AUTS2: variants seen among roughly 807,000 people sequenced by gnomAD.
AUTS2 encodes autism susceptibility gene 2 protein.
In AUTS2, 17 loss-of-function variants were observed where a neutral mutation model predicts 112.4. That is an observed-to-expected ratio of 0.15 (90% CI 0.10 to 0.23). The LOEUF is 0.23. Among genes scored for constraint, AUTS2 ranks in the 10% least tolerant of loss-of-function variants. The pLI is 1.00. For synonymous variants in AUTS2, 751 were observed against 702.7 expected, an observed-to-expected ratio of 1.07 and a Z score of -1.09; for missense variants, 1,510 against 1,701.6, an observed-to-expected ratio of 0.89 and a Z score of 1.98.
In AUTS2 at chr7:70,065,629, G is replaced by A. The variant is rs535937856; in HGVS notation, c.523-52503G>A. ...GGAGAATTGCTTGAACCCGAGAGGC[G>A]GAGGTTATGGTGAGCCGAGATGGTG... On this transcript the variant is annotated intron_variant, in intron 2 of 18. Coordinates refer to ENST00000342771, the MANE Select transcript of AUTS2 (RefSeq NM_015570.4). Among the ~76,000 whole-genome samples the A allele has an allele frequency of 7.5e-4, 114 of 152,196 alleles. 1 individual carries two copies. The highest frequency in any genetic ancestry group is 1.8e-3 in the African/African-American group (75 of 41,516).
intron 1 of AUTS2, among the ~76,000 whole-genome samples, chr7:69,793,455 C>G (rs1276009708): frequency 6.6e-6 from 1 of 152,148 alleles, no homozygotes; most frequent in Non-Finnish European, 1.5e-5. Context: ...TGTAGACAGT[C>G]CTGACACAGA....
At chr7:70,720,382 C>T (rs1179394020) in intron 6 of AUTS2, among the ~76,000 whole-genome samples, 3 of 152,094 alleles carry the variant, frequency 2.0e-5, no homozygotes, top group African/African-American at 4.8e-5. Context: ...AAATCGCAGG[C>T]GTCAATCTGT....
At chr7:69,885,555 A>G (rs1220126537) in intron 1 of AUTS2, among the ~76,000 whole-genome samples, 11 of 152,212 alleles carry the variant, frequency 7.2e-5, no homozygotes, top group Non-Finnish European at 1.0e-4. Context: ...TTTCCTTCCA[A>G]CAAAAGACCC....
chr7:70,078,170 A>G (rs1803127867), intron 2 of AUTS2, among the ~76,000 whole-genome samples: 1 of 152,028 alleles, frequency 6.6e-6, no homozygotes, highest in Non-Finnish European at 1.5e-5. Flanking sequence ...GGTATGTTCC[A>G]AGACACCCAG....
At chr7:70,779,279 C>G (rs1790907046) in intron 14 of AUTS2, among the ~76,000 whole-genome samples, 1 of 152,192 alleles carries the variant, frequency 6.6e-6, no homozygotes, top group Admixed American at 6.5e-5. Context: ...ATTACATCTT[C>G]CCTCTCTCTG....
rs566764530 is a variant in AUTS2, at chr7:70,121,746, G to A, written c.624+3513G>A. Among the ~76,000 whole-genome samples, 6 of 152,196 alleles carry A rather than the reference G, an allele frequency of 3.9e-5. No homozygotes were observed. In the South Asian group the frequency reaches 6.2e-4, roughly 16 times the overall value. On this transcript the variant is annotated intron_variant, in intron 3 of 18. Transcript: ENST00000342771. ...ATTACTGGTGGGAATGTAAAATGAC[G>A]CAGCCACTGTAGAAAACAGCTTGGC... is the stretch of plus-strand genomic sequence containing the variant.
chr7:69,821,830 C>T (rs895909649), intron 1 of AUTS2, among the ~76,000 whole-genome samples: 5 of 147,680 alleles, frequency 3.4e-5, no homozygotes, highest in African/African-American at 1.0e-4. Context: ...GTGAGAGGAT[C>T]GATTGAGCTC....
intron 1 of AUTS2, among the ~76,000 whole-genome samples, chr7:69,646,803 T>G (rs1030156935): frequency 3.3e-5 from 5 of 152,170 alleles, no homozygotes; most frequent in African/African-American, 1.2e-4. Flanking sequence ...CATAGTGACC[T>G]TGACCGGGTG....
intron 5 of AUTS2, among the ~76,000 whole-genome samples, chr7:70,454,893 G>A (rs906637086): frequency 6.6e-6 from 1 of 152,182 alleles, no homozygotes; most frequent in Non-Finnish European, 1.5e-5. Flanking sequence ...TGCAGGCCTC[G>A]GGAGTGCTTT....
At chr7:70,326,837 G>A (rs1001759336) in intron 4 of AUTS2, among the ~76,000 whole-genome samples, 8 of 151,610 alleles carry the variant, frequency 5.3e-5, no homozygotes, top group Admixed American at 2.0e-4. Context: ...GCTTTTAAAC[G>A]ATCTCAGTAT....
At chr7:69,766,114 C>G (rs1788410360) in intron 1 of AUTS2, among the ~76,000 whole-genome samples, 1 of 152,168 alleles carries the variant, frequency 6.6e-6, no homozygotes, top group Non-Finnish European at 1.5e-5. Flanking sequence ...ATTCTCTGTT[C>G]TTCTTAGCTT....
intron 2 of AUTS2, among the ~76,000 whole-genome samples, chr7:69,996,713 T>C (rs1388290726): frequency 6.6e-6 from 1 of 152,130 alleles, no homozygotes; most frequent in Non-Finnish European, 1.5e-5. Context: ...TGTAAAAACT[T>C]CAAAGTGCCT....
chr7:69,764,443 G>A (rs532021583), intron 1 of AUTS2, among the ~76,000 whole-genome samples: 1 of 151,776 alleles, frequency 6.6e-6, no homozygotes, highest in South Asian at 2.1e-4. Flanking sequence ...AGGTCTCTAT[G>A]GTGATGAATG....
intron 4 of AUTS2, among the ~76,000 whole-genome samples, chr7:70,164,703 A>G (rs1372522677): frequency 6.6e-6 from 1 of 152,194 alleles, no homozygotes; most frequent in Non-Finnish European, 1.5e-5. Context: ...CAATTCAACT[A>G]CTGAGTAGAT....
chr7:70,666,652 AT>A (rs142500701), intron 5 of AUTS2, among the ~76,000 whole-genome samples: 3,007 of 150,322 alleles, frequency 0.02, 110 homozygotes, highest in African/African-American at 0.069. Flanking sequence ...TTCCCACCAC[AT>A]TTTTTTTTAT....
chr7:70,084,927 C>T (rs572203885), intron 2 of AUTS2, among the ~76,000 whole-genome samples: 1 of 152,200 alleles, frequency 6.6e-6, no homozygotes, highest in South Asian at 2.1e-4. Flanking sequence ...GGCTGGAGTG[C>T]AGTGGCATGG....
chr7:69,937,240 A>T (rs1273759785), intron 2 of AUTS2, among the ~76,000 whole-genome samples: 1 of 152,228 alleles, frequency 6.6e-6, no homozygotes, highest in Non-Finnish European at 1.5e-5. Context: ...GATTGAAGGC[A>T]GCTCATTAAA....
At chr7:70,616,590 G>A (rs1466332785) in intron 5 of AUTS2, among the ~76,000 whole-genome samples, 3 of 152,138 alleles carry the variant, frequency 2.0e-5, no homozygotes, top group Non-Finnish European at 4.4e-5. Context: ...TGAGTCCCCA[G>A]TGCCTGACAC....
chr7:70,693,283 G>C (rs1808853095), intron 5 of AUTS2, among the ~76,000 whole-genome samples: 1 of 152,206 alleles, frequency 6.6e-6, no homozygotes, highest in African/African-American at 2.4e-5. Flanking sequence ...CTGTGCTCTA[G>C]GGGATACAGA....
Sources: gnomAD v4.1 joint callset for allele counts (sites outside exome capture counted in the v4.1 genomes callset) on GRCh38, gnomAD v4.1.1 for gene constraint, MANE v1.5 for transcripts, NCBI Gene and HGNC (gene_info 2026-07-23, HGNC 2026-07-21) for gene names.